The following VCF1 variants were observed in gnomAD, a reference collection of about 807,000 sequenced individuals.
VCF1 encodes VCP nuclear cofactor family member 1, also known as protein VCF1.
the VCF1 span, chr17:73,232,378 C>G: frequency 7.0e-7 from 1 of 1,436,328 alleles, no homozygotes; most frequent in Non-Finnish European, 9.1e-7. Flanking sequence ...GACTGGTAAC[C>G]CCGCCCACGG....
At chr17:73,223,842 T>G in the VCF1 span, among the ~76,000 whole-genome samples, 1 of 151,080 alleles carries the variant, frequency 6.6e-6, no homozygotes, top group African/African-American at 2.4e-5. Flanking sequence ...TTAGCCAGGT[T>G]TGGTGGCACA....
the VCF1 span, among the ~76,000 whole-genome samples, chr17:73,226,999 C>T: frequency 2.6e-5 from 4 of 152,156 alleles, no homozygotes; most frequent in African/African-American, 9.7e-5. Context: ...GGACAGGGTA[C>T]ACAGCTTCCT....
the VCF1 span, chr17:73,227,158 T>G: frequency 6.4e-7 from 1 of 1,568,142 alleles, no homozygotes; most frequent in East Asian, 2.3e-5. Context: ...GTGACCACAC[T>G]TCCTACCTCT....
the VCF1 span, chr17:73,232,147 G>A: frequency 4.3e-6 from 7 of 1,610,192 alleles, no homozygotes; most frequent in Non-Finnish European, 5.9e-6. Flanking sequence ...GCCGCTCCGC[G>A]AAGAGAGGGA....
At chr17:73,220,385 A>C in the VCF1 span, among the ~76,000 whole-genome samples, 2 of 152,212 alleles carry the variant, frequency 1.3e-5, no homozygotes, top group Admixed American at 1.3e-4. Flanking sequence ...ATTAACATCA[A>C]AAATTTTGCC....
At chr17:73,214,789 G>A in the VCF1 span, among the ~76,000 whole-genome samples, 2 of 152,260 alleles carry the variant, frequency 1.3e-5, no homozygotes, top group Admixed American at 6.5e-5. Context: ...ATTTGTTCTC[G>A]AAAAGACACC....
the VCF1 span, among the ~76,000 whole-genome samples, chr17:73,225,684 C>G: frequency 6.6e-6 from 1 of 151,576 alleles, no homozygotes; most frequent in Admixed American, 6.6e-5. Context: ...AATGAATAGT[C>G]TTACAATTCA....
At chr17:73,212,475 C>T in the VCF1 span, among the ~76,000 whole-genome samples, 1 of 146,580 alleles carries the variant, frequency 6.8e-6, no homozygotes, top group Non-Finnish European at 1.5e-5. Flanking sequence ...TGATAATGGG[C>T]CGGGCTGATG....
chr17:73,232,262 AC>A, the VCF1 span: 1 of 1,608,662 alleles, frequency 6.2e-7, no homozygotes, highest in South Asian at 1.1e-5. Flanking sequence ...CCTCAGTCGG[AC>A]CCGTACCACC....
the VCF1 span, among the ~76,000 whole-genome samples, chr17:73,219,212 A>AG: frequency 1.2e-4 from 18 of 150,304 alleles, no homozygotes; most frequent in African/African-American, 4.4e-4. Context: ...AAAAAAAAAA[A>AG]ACGACGAAAC....
the VCF1 span, among the ~76,000 whole-genome samples, chr17:73,224,880 CACAGCACAGG>C: frequency 6.9e-5 from 9 of 130,048 alleles, no homozygotes; most frequent in African/African-American, 2.8e-4. Context: ...GACAGGACAG[CACAGCACAGG>C]ACAGGACAGG....
the VCF1 span, among the ~76,000 whole-genome samples, chr17:73,213,292 T>C: frequency 8.6e-5 from 13 of 151,692 alleles, no homozygotes; most frequent in African/African-American, 2.9e-4. Flanking sequence ...TGGCTAAAAA[T>C]TGGAAACAAC....
the VCF1 span, among the ~76,000 whole-genome samples, chr17:73,231,618 T>C: frequency 6.6e-6 from 1 of 152,224 alleles, no homozygotes; most frequent in Admixed American, 6.5e-5. Flanking sequence ...TTCTTCGGTC[T>C]AACCGAATCT....
chr17:73,217,829 G>A, the VCF1 span, among the ~76,000 whole-genome samples: 914 of 152,106 alleles, frequency 6.0e-3, 6 homozygotes, highest in Middle Eastern at 0.058. Flanking sequence ...AAAGTTAGCC[G>A]GGCGTGGAGG....
At chr17:73,207,501 C>A in the VCF1 span, 2 of 622,652 alleles carry the variant, frequency 3.2e-6, no homozygotes, top group East Asian at 3.3e-5. Context: ...ATATACAGGA[C>A]AGGGTGGAGA....
the VCF1 span, among the ~76,000 whole-genome samples, chr17:73,210,757 A>AATTT: frequency 2.2e-5 from 3 of 135,118 alleles, no homozygotes; most frequent in Non-Finnish European, 1.6e-5. Context: ...ATGCCTCGTT[A>AATTT]TTTTTTTTTT....
At chr17:73,207,469 C>G in the VCF1 span, 33 of 668,774 alleles carry the variant, frequency 4.9e-5, no homozygotes, top group Admixed American at 7.1e-4. Flanking sequence ...TACCAAGTAG[C>G]CTCTTAATAG....
chr17:73,214,274 G>A, the VCF1 span, among the ~76,000 whole-genome samples: 1 of 149,792 alleles, frequency 6.7e-6, no homozygotes, highest in African/African-American at 2.5e-5. Context: ...TTTTCAAATT[G>A]AGAGTGAAAC....
At chr17:73,231,964 G>A in the VCF1 span, 2 of 1,087,996 alleles carry the variant, frequency 1.8e-6, no homozygotes, top group South Asian at 1.7e-5. Context: ...CCGGCCCGCA[G>A]TGCACCCCAC....
Sources: gnomAD v4.1 joint callset for allele counts (sites outside exome capture counted in the v4.1 genomes callset) on GRCh38, gnomAD v4.1.1 for gene constraint, MANE v1.5 for transcripts, NCBI Gene and HGNC (gene_info 2026-07-23, HGNC 2026-07-21) for gene names.